The following KLF13 variants were observed in gnomAD, a reference collection of about 807,000 sequenced individuals.
KLF13 encodes the protein Krueppel-like factor 13.
Under a neutral mutation model 16.7 loss-of-function variants are expected in KLF13, and 8 were observed. That is an observed-to-expected ratio of 0.48 (90% CI 0.28 to 0.87). KLF13 has a LOEUF of 0.87. KLF13 is among the 40% of genes least tolerant of loss of function. KLF13 has a pLI of 0.10. For synonymous variants in KLF13, 245 were observed against 208.4 expected (o/e 1.18, Z -1.51); for missense variants, 447 against 452.2 (o/e 0.99, Z 0.10).
chr15:31,435,214 G>A (rs984580436), intron 1 of KLF13, among the ~76,000 whole-genome samples: 10 of 152,124 alleles, frequency 6.6e-5, no homozygotes, highest in African/African-American at 2.4e-4. Flanking sequence ...TCACAGTAAG[G>A]GACACTGGGG....
chr15:31,331,669 C>T (rs562838590), intron 1 of KLF13, among the ~76,000 whole-genome samples: 108 of 152,296 alleles, frequency 7.1e-4, no homozygotes, highest in Non-Finnish European at 1.4e-3. Context: ...GCACGCCCAC[C>T]CCTCCCTCTC....
In KLF13 at chr15:31,327,453, G is replaced by C. The variant is rs1302469295; in HGVS notation, c.241G>C (p.Ala81Pro). 54 of 1,239,150 alleles carry C rather than the reference G, an allele frequency of 4.4e-5. No individual in the cohort carries two copies. Among genetic ancestry groups the C allele is most frequent in the Middle Eastern group, 6.3e-4 (2 of 3,160 alleles). The allele number at this position is 1,239,150 out of a possible 1,614,324, so 76.8% of individuals were successfully genotyped here. A position where few individuals can be genotyped will look rare whatever the true frequency, so the allele number is the denominator to read the frequency against. ...CCAGCAAGCGCCGGCGCCCGCCCCG[G>C]CGGAGCGCAGGGAGGGCGCCGCGGC... ...LNQQAPAPAP[A>P]ERREGAAARK... Residue 81 changes from alanine to proline, a missense_variant, in exon 1 of 2, where the codon GCG becomes CCG. Physicochemically the swap from Ala to Pro is conservative, Grantham distance 27 (BLOSUM62 -1). Coordinates refer to ENST00000307145, the MANE Select transcript of KLF13 (RefSeq NM_015995.4).
intron 1 of KLF13, among the ~76,000 whole-genome samples, chr15:31,336,877 C>G (rs1219358408): frequency 6.6e-6 from 1 of 152,084 alleles, no homozygotes; most frequent in Admixed American, 6.5e-5. Flanking sequence ...TTGGGTGCAC[C>G]TGGGCATCAT....
chr15:31,416,554 C>G (rs754907351), intron 1 of KLF13, among the ~76,000 whole-genome samples: 2 of 152,096 alleles, frequency 1.3e-5, no homozygotes, highest in Non-Finnish European at 2.9e-5. Flanking sequence ...ACATGAACAT[C>G]TCAAAAATCA....
At chr15:31,406,834 C>T (rs911129426), downstream of KLF13, among the ~76,000 whole-genome samples, 2 of 152,158 alleles carry the variant, frequency 1.3e-5, no homozygotes, top group African/African-American at 4.8e-5. Context: ...TGACTCCTGC[C>T]TCCCTCATTG....
intron 2 of KLF13, among the ~76,000 whole-genome samples, chr15:31,399,542 A>G (rs1000023945): frequency 6.6e-6 from 1 of 152,142 alleles, no homozygotes; most frequent in South Asian, 2.1e-4. Context: ...TCCTGCCCAC[A>G]CAGGGGATTC....
At chr15:31,404,641 C>G (rs2040089968) in exon 3 of KLF13, 2 of 152,236 alleles carry the variant, frequency 1.3e-5, no homozygotes, top group Admixed American at 1.3e-4. Flanking sequence ...TGGCCACCCT[C>G]CAGTCAGCAG....
chr15:31,424,077 G>C (rs773005800), intron 1 of KLF13, among the ~76,000 whole-genome samples: 4 of 152,128 alleles, frequency 2.6e-5, no homozygotes, highest in Non-Finnish European at 4.4e-5. Flanking sequence ...AGCTAGTAGA[G>C]AGATTAAATC....
chr15:31,354,195 G>T (rs1463826800), intron 1 of KLF13, among the ~76,000 whole-genome samples: 1 of 151,872 alleles, frequency 6.6e-6, no homozygotes, highest in African/African-American at 2.4e-5. Flanking sequence ...GCCCAGGCCT[G>T]CAGGATGGGA....
intron 1 of KLF13, among the ~76,000 whole-genome samples, chr15:31,364,970 T>C (rs1206849673): frequency 2.6e-5 from 4 of 152,224 alleles, no homozygotes; most frequent in Admixed American, 1.3e-4. Flanking sequence ...CTGAGTTTCA[T>C]TGGAGGCCAG....
At chr15:31,404,328 G>A (rs2040083557) in exon 3 of KLF13, 1 of 152,332 alleles carries the variant, frequency 6.6e-6, no homozygotes, top group African/African-American at 2.4e-5. Context: ...GAAATGAGTG[G>A]TGAAGTCAGC....
chr15:31,370,389 A>C (rs1054336908), intron 1 of KLF13, among the ~76,000 whole-genome samples: 7 of 150,194 alleles, frequency 4.7e-5, no homozygotes, highest in African/African-American at 1.7e-4. Context: ...ATATGCACAC[A>C]ATGCTGTTTT....
At chr15:31,356,297 T>C (rs1462401490) in intron 1 of KLF13, among the ~76,000 whole-genome samples, 9 of 152,182 alleles carry the variant, frequency 5.9e-5, no homozygotes, top group Non-Finnish European at 1.0e-4. Flanking sequence ...CTCACACCTA[T>C]AATCCCAGCA....
chr15:31,352,318 C>T (rs991775924), intron 1 of KLF13, among the ~76,000 whole-genome samples: 2 of 152,224 alleles, frequency 1.3e-5, no homozygotes, highest in Admixed American at 1.3e-4. Context: ...GCAGGCCACG[C>T]TCAGGGGTTT....
In KLF13 at chr15:31,374,270, T is replaced by G. The variant is rs989959458; in HGVS notation, c.*1971T>G. 3.3e-5 allele frequency: 5 copies of G among 152,444 alleles called. No individual in the cohort carries two copies. The highest frequency in any genetic ancestry group is 1.2e-4 in the African/African-American group (5 of 41,456). 9.4% of individuals were successfully genotyped at this position (152,444 alleles called of 1,614,324 possible). On this transcript the variant is annotated 3_prime_UTR_variant, in exon 2 of 2. Coordinates refer to ENST00000307145, the MANE Select transcript of KLF13 (RefSeq NM_015995.4). Reference sequence around the variant, plus strand: ...TGGTGGTGACTTCTAGGTAGACCGATGGACCCTAAATTGGGCAGTGGCATT... The same window carrying G: ...TGGTGGTGACTTCTAGGTAGACCGAGGGACCCTAAATTGGGCAGTGGCATT...
intron 1 of KLF13, among the ~76,000 whole-genome samples, chr15:31,335,057 A>G (rs941853609): frequency 6.6e-6 from 1 of 152,238 alleles, no homozygotes; most frequent in African/African-American, 2.4e-5. Context: ...CTCCATAGCC[A>G]CGTACATGTG....
chr15:31,402,170 C>T (rs550000905), intron 2 of KLF13, among the ~76,000 whole-genome samples: 3 of 152,298 alleles, frequency 2.0e-5, no homozygotes, highest in Non-Finnish European at 2.9e-5. Context: ...CTGTGGGGGC[C>T]GGGCATGGGA....
intron 1 of KLF13, among the ~76,000 whole-genome samples, chr15:31,353,597 T>A (rs2039251362): frequency 6.6e-6 from 1 of 152,260 alleles, no homozygotes; most frequent in Non-Finnish European, 1.5e-5. Context: ...GACCTCAGAT[T>A]CCTGGCCTCA....
intron 1 of KLF13, among the ~76,000 whole-genome samples, chr15:31,370,718 C>T (rs1039852917): frequency 5.9e-5 from 9 of 152,148 alleles, no homozygotes; most frequent in African/African-American, 2.2e-4. Context: ...CGCGCCTGGC[C>T]GTTTTTGCTC....
Sources: allele counts gnomAD v4.1 joint callset (sites outside exome capture counted in the v4.1 genomes callset), GRCh38; gene constraint gnomAD v4.1.1; transcripts MANE v1.5; gene names NCBI Gene and HGNC (gene_info 2026-07-23, HGNC 2026-07-21).